The following KANSL1 variants were observed in gnomAD, a reference collection of about 807,000 sequenced individuals.
The protein encoded by KANSL1 is MLL1/MLL complex subunit KANSL1.
In KANSL1, 22 loss-of-function variants were observed where a neutral mutation model predicts 103.6. The observed-to-expected ratio is 0.21, with a 90% CI of 0.15 to 0.30. The LOEUF (loss-of-function observed/expected upper bound fraction) is 0.30. Among genes scored for constraint, KANSL1 ranks in the 10% least tolerant of loss-of-function variants. The pLI, the probability that KANSL1 is intolerant of heterozygous loss-of-function variation, is 1.00. For synonymous variants in KANSL1, 600 were observed against 527.6 expected, an observed-to-expected ratio of 1.14 and a Z score of -1.88; for missense variants, 1,337 against 1,399.8, an observed-to-expected ratio of 0.96 and a Z score of 0.72.
chr17:46,152,530 C>T (rs192950405), intron 2 of KANSL1, among the ~76,000 whole-genome samples: 1 of 142,144 alleles, frequency 7.0e-6, no homozygotes, highest in Admixed American at 7.6e-5. Flanking sequence ...AACTGTTACA[C>T]AGGATGACAG....
At chr17:46,208,988 T>A (rs1184430787) in intron 1 of KANSL1, among the ~76,000 whole-genome samples, 5 of 152,002 alleles carry the variant, frequency 3.3e-5, no homozygotes, top group East Asian at 3.9e-4. Context: ...CTGGCCAACA[T>A]GGTGAAATCC....
intron 1 of KANSL1, among the ~76,000 whole-genome samples, chr17:46,200,161 G>A (rs2047750421): frequency 6.6e-6 from 1 of 152,120 alleles, no homozygotes; most frequent in South Asian, 2.1e-4. Flanking sequence ...AACGTTCAAT[G>A]ACCAAACATA....
chr17:46,135,561 T>TTTTTTTTTG (rs1165041626), intron 2 of KANSL1, among the ~76,000 whole-genome samples: 1 of 126,204 alleles, frequency 7.9e-6, no homozygotes, highest in Non-Finnish European at 1.7e-5. Context: ...TTTTTTTTTT[T>TTTTTTTTTG]GAGACAGAGT....
In KANSL1 at chr17:46,030,512, G is replaced by A. The variant is rs1245667353; in HGVS notation, c.*964C>T. ...CCAGACAATGTTCCACAGGCAAGGG[G>A]AGCGTGAAAGACCAAGAGTGGAACT... On this transcript the variant is annotated 3_prime_UTR_variant, in exon 15 of 15. Coordinates refer to ENST00000432791, the MANE Select transcript of KANSL1 (RefSeq NM_015443.4). The A allele has an allele frequency of 1.3e-5, 2 of 151,862 alleles. No homozygotes were observed. The highest frequency in any genetic ancestry group is 2.4e-5 in the African/African-American group (1 of 41,290). 9.4% of individuals were successfully genotyped at this position (151,862 alleles called of 1,614,324 possible).
At chr17:46,063,951 T>C (rs1422751710) in intron 6 of KANSL1, among the ~76,000 whole-genome samples, 13 of 148,480 alleles carry the variant, frequency 8.8e-5, no homozygotes, top group African/African-American at 2.7e-4. Flanking sequence ...CATCAAGGAA[T>C]TGACAAAAAG....
chr17:46,205,696 A>G (rs1277387060), intron 1 of KANSL1, among the ~76,000 whole-genome samples: 2 of 152,018 alleles, frequency 1.3e-5, no homozygotes, highest in Non-Finnish European at 2.9e-5. Context: ...AAAAAAAAAA[A>G]AAGACTTAGA....
In KANSL1 at chr17:46,200,729, G is replaced by A. The variant is rs140751601; in HGVS notation, c.-90+22942C>T. 1.8e-3 allele frequency among the ~76,000 whole-genome samples: 276 copies of A among 152,006 alleles called. 1 individual carries two copies. The highest frequency in any genetic ancestry group is 5.6e-3 in the African/African-American group (234 of 41,424). On this transcript the variant is annotated intron_variant, in intron 1 of 14. Transcript: ENST00000572904. ...TGCACTCCAGCCTGGGCGACAGAGC[G>A]AAACTCTGTCTCAAAATATATATAT...
chr17:46,081,243 T>C (rs1334159706), intron 4 of KANSL1, among the ~76,000 whole-genome samples: 1 of 152,194 alleles, frequency 6.6e-6, no homozygotes, highest in Non-Finnish European at 1.5e-5. Context: ...TATAAGTATC[T>C]ACATAGAACT....
intron 2 of KANSL1, among the ~76,000 whole-genome samples, chr17:46,115,321 T>A (rs928319045): frequency 1.3e-5 from 2 of 152,122 alleles, no homozygotes; most frequent in Non-Finnish European, 2.9e-5. Context: ...CAGCCTCCCA[T>A]AGTACTGGGA....
At chr17:46,161,577 G>T (rs770073643) in intron 2 of KANSL1, among the ~76,000 whole-genome samples, 1 of 152,224 alleles carries the variant, frequency 6.6e-6, no homozygotes, top group Non-Finnish European at 1.5e-5. Flanking sequence ...TCTCTTGTAA[G>T]TACCTGAGAA....
intron 1 of KANSL1, among the ~76,000 whole-genome samples, chr17:46,200,618 C>T (rs561642493): frequency 1.3e-5 from 2 of 151,980 alleles, no homozygotes; most frequent in African/African-American, 2.4e-5. Flanking sequence ...GGGGGGCACC[C>T]GTAGTCCCAG....
chr17:46,067,305 T>C (rs1465697457), intron 5 of KANSL1, among the ~76,000 whole-genome samples: 1 of 152,230 alleles, frequency 6.6e-6, no homozygotes, highest in Non-Finnish European at 1.5e-5. Context: ...AAAACAATAA[T>C]AATTCACAGT....
intron 2 of KANSL1, among the ~76,000 whole-genome samples, chr17:46,127,176 C>T (rs2043611257): frequency 6.6e-6 from 1 of 152,212 alleles, no homozygotes. Flanking sequence ...CTCACAATTA[C>T]AGTAAGGATA....
intron 1 of KANSL1, among the ~76,000 whole-genome samples, chr17:46,180,107 T>C (rs1881195): frequency 0.14 from 21,945 of 151,830 alleles, 2,136 homozygotes; most frequent in Middle Eastern, 0.22. Flanking sequence ...ACACAAAGCA[T>C]ATTTTAATAG....
At chr17:46,066,479 A>T (rs984853700) in intron 6 of KANSL1, 58 bp downstream of exon 6, 17 of 1,456,256 alleles carry the variant, frequency 1.2e-5, no homozygotes, top group Admixed American at 4.1e-5. Flanking sequence ...CAAGAGACTA[A>T]CTCTATCTGA....
At chr17:46,059,625 C>A in intron 6 of KANSL1, among the ~76,000 whole-genome samples, 1 of 47,216 alleles carries the variant, frequency 2.1e-5, no homozygotes, top group South Asian at 1.4e-3. Context: ...GAGGCTCTGA[C>A]TCCAAAAAAA....
chr17:46,111,005 TAACAAG>T (rs1383981364), intron 2 of KANSL1, among the ~76,000 whole-genome samples: 2 of 152,204 alleles, frequency 1.3e-5, no homozygotes, highest in East Asian at 3.8e-4. Flanking sequence ...GTGAAACAAA[TAACAAG>T]AACATGTCAT....
intron 2 of KANSL1, among the ~76,000 whole-genome samples, chr17:46,159,407 T>C (rs2045613568): frequency 6.6e-6 from 1 of 152,216 alleles, no homozygotes; most frequent in Non-Finnish European, 1.5e-5. Flanking sequence ...AAAAATAACC[T>C]CTAGTTCATC....
chr17:46,156,802 G>A (rs12603761), intron 2 of KANSL1: 14,467 of 152,954 alleles, frequency 0.095, 818 homozygotes, highest in East Asian at 0.31. Flanking sequence ...AGGAGGCTGA[G>A]GCAGGAGAAT....
Sources: gnomAD v4.1 joint callset for allele counts (sites outside exome capture counted in the v4.1 genomes callset) on GRCh38, gnomAD v4.1.1 for gene constraint, MANE v1.5 for transcripts, NCBI Gene and HGNC (gene_info 2026-07-23, HGNC 2026-07-21) for gene names.